RPH3A: variants seen among roughly 807,000 people sequenced by gnomAD.
The protein encoded by RPH3A is rabphilin 3A.
RPH3A carries 48 observed loss-of-function variants against 102.2 expected under a neutral mutation model. That is an observed-to-expected ratio of 0.47 (90% CI 0.37 to 0.60). The LOEUF (loss-of-function observed/expected upper bound fraction) is 0.60, where lower values mean the gene tolerates loss of function less well. Ranked by LOEUF, RPH3A falls within the 20% of genes least tolerant of loss-of-function variation. RPH3A has a pLI of 0.00. For missense variants in RPH3A, 781 were observed against 910.1 expected (o/e 0.86, Z 1.83); for synonymous variants, 310 against 324.3 (o/e 0.96, Z 0.47).
chr12:112,837,676 A>G (rs557233210), intron 4 of RPH3A: 5 of 446,968 alleles, frequency 1.1e-5, no homozygotes, highest in Admixed American at 9.5e-5. Context: ...AATCATGAAT[A>G]TATTATTCAG....
chr12:112,733,370 G>A (rs898927346), intron 1 of RPH3A, among the ~76,000 whole-genome samples: 12 of 152,170 alleles, frequency 7.9e-5, no homozygotes, highest in African/African-American at 2.7e-4. Flanking sequence ...GTTGTGAGGT[G>A]TGTTAGGCCT....
At chr12:112,759,965 C>T (rs1460914615) in intron 1 of RPH3A, among the ~76,000 whole-genome samples, 1 of 152,196 alleles carries the variant, frequency 6.6e-6, no homozygotes, top group East Asian at 1.9e-4. Context: ...GGTGCTGAGT[C>T]ACGTCGGCTG....
At chr12:112,730,549 T>C (rs993713042) in intron 1 of RPH3A, among the ~76,000 whole-genome samples, 1 of 152,230 alleles carries the variant, frequency 6.6e-6, no homozygotes, top group African/African-American at 2.4e-5. Context: ...GCTGAGGCTG[T>C]GCAAGGCCAG....
chr12:112,865,765 C>G (rs1008870706), intron 6 of RPH3A, among the ~76,000 whole-genome samples: 1 of 149,030 alleles, frequency 6.7e-6, no homozygotes, highest in African/African-American at 2.6e-5. Context: ...CCTTCTGTCT[C>G]TTAGAGCTGA....
At position 112,896,812 on chromosome 12, in the gene RPH3A, G is replaced by A. The variant is rs374264060; in HGVS notation, c.*32G>A. On this transcript the variant is annotated 3_prime_UTR_variant, in exon 22 of 22. Transcript: ENST00000389385. ...GCCCAGGTCCCCATCTCCATGTCCC[G>A]GGTCCCCCCCAGCCTGCTCTAGCTG... The A allele has an allele frequency of 8.1e-6, 13 of 1,612,084 alleles. No homozygotes were observed. The highest frequency in any genetic ancestry group is 6.7e-5 in the African/African-American group (5 of 74,806).
intron 1 of RPH3A, among the ~76,000 whole-genome samples, chr12:112,583,950 C>A (rs1278609621): frequency 6.6e-6 from 1 of 152,156 alleles, no homozygotes; most frequent in Non-Finnish European, 1.5e-5. Flanking sequence ...TGTGCCATTG[C>A]ACTCCAGCCT....
intron 1 of RPH3A, among the ~76,000 whole-genome samples, chr12:112,700,247 T>G (rs2040383837): frequency 6.6e-6 from 1 of 152,124 alleles, no homozygotes; most frequent in African/African-American, 2.4e-5. Flanking sequence ...TTTTGTATTT[T>G]TAGGAGAGAC....
intron 1 of RPH3A, among the ~76,000 whole-genome samples, chr12:112,752,257 C>T (rs1343903109): frequency 6.6e-6 from 1 of 152,090 alleles, no homozygotes; most frequent in Non-Finnish European, 1.5e-5. Flanking sequence ...TTCACTATTT[C>T]CCACAAATGG....
chr12:112,705,535 A>G (rs2040422066), intron 1 of RPH3A, among the ~76,000 whole-genome samples: 1 of 152,226 alleles, frequency 6.6e-6, no homozygotes, highest in African/African-American at 2.4e-5. Flanking sequence ...TGTCCACTGC[A>G]GTGATAATTA....
At position 112,815,064 on chromosome 12, in the gene RPH3A, T is replaced by C. The variant is rs184117301; in HGVS notation, c.-18-13237T>C. 1.2e-3 allele frequency among the ~76,000 whole-genome samples: 182 copies of C among 152,244 alleles called. 2 individuals carry two copies. Among genetic ancestry groups the C allele is most frequent in the South Asian group, 7.7e-3 (37 of 4,822 alleles). On this transcript the variant is annotated intron_variant, in intron 2 of 21. Transcript: ENST00000389385. ...GGTCCTCCTGACAAAAGCTATGACC[T>C]TCAGAAGAATATACCCCAGCCTGTC...
intron 1 of RPH3A, among the ~76,000 whole-genome samples, chr12:112,630,917 G>A (rs892794608): frequency 3.9e-5 from 6 of 152,140 alleles, no homozygotes; most frequent in African/African-American, 1.4e-4. Context: ...TCCCTGGGGT[G>A]GGAGATGATG....
At chr12:112,798,491 T>C (rs1486122595) in intron 2 of RPH3A, among the ~76,000 whole-genome samples, 3 of 152,170 alleles carry the variant, frequency 2.0e-5, no homozygotes, top group Non-Finnish European at 4.4e-5. Context: ...AGAGAACATA[T>C]TATGTAAGCA....
At chr12:112,610,905 G>A (rs916756316) in intron 1 of RPH3A, among the ~76,000 whole-genome samples, 7 of 152,090 alleles carry the variant, frequency 4.6e-5, no homozygotes, top group Non-Finnish European at 8.8e-5. Context: ...CAAACTGCTG[G>A]GATTATAGGT....
At chr12:112,655,372 C>T (rs779578783) in intron 1 of RPH3A, among the ~76,000 whole-genome samples, 4 of 152,132 alleles carry the variant, frequency 2.6e-5, no homozygotes, top group Non-Finnish European at 4.4e-5. Flanking sequence ...ATTGTTTAAA[C>T]CACCCAGTGC....
chr12:112,602,694 C>A (rs1051189722), intron 1 of RPH3A, among the ~76,000 whole-genome samples: 1 of 151,830 alleles, frequency 6.6e-6, no homozygotes, highest in Admixed American at 6.6e-5. Context: ...GAGGCTGAAG[C>A]GGGAGGATTG....
intron 2 of RPH3A, among the ~76,000 whole-genome samples, chr12:112,817,066 A>C (rs974927869): frequency 2.0e-5 from 3 of 152,152 alleles, no homozygotes; most frequent in African/African-American, 7.2e-5. Context: ...AAATGGAAGA[A>C]TGGACTTGAA....
At chr12:112,703,661 C>A (rs1592952738) in intron 1 of RPH3A, among the ~76,000 whole-genome samples, 1 of 152,188 alleles carries the variant, frequency 6.6e-6, no homozygotes, top group Non-Finnish European at 1.5e-5. Context: ...CAAACCTCCA[C>A]AGAGGAGCTG....
chr12:112,659,153 C>T (rs1455361121), intron 1 of RPH3A, among the ~76,000 whole-genome samples: 1 of 152,060 alleles, frequency 6.6e-6, no homozygotes, highest in Non-Finnish European at 1.5e-5. Flanking sequence ...GTGTTTATGT[C>T]CCACAAACAA....
At chr12:112,733,244 C>A (rs1331600339) in intron 1 of RPH3A, among the ~76,000 whole-genome samples, 2 of 152,186 alleles carry the variant, frequency 1.3e-5, no homozygotes, top group Non-Finnish European at 2.9e-5. Context: ...CACATCTGAA[C>A]AAATACTTTC....
Sources: allele counts gnomAD v4.1 joint callset (sites outside exome capture counted in the v4.1 genomes callset), GRCh38; gene constraint gnomAD v4.1.1; transcripts MANE v1.5; gene names NCBI Gene and HGNC (gene_info 2026-07-23, HGNC 2026-07-21).